The following SPATA20 variants were observed in gnomAD, a reference collection of about 807,000 sequenced individuals.
SPATA20 encodes the protein spermatogenesis-associated protein 20.
In SPATA20, 74 loss-of-function variants were observed where a neutral mutation model predicts 98.9. The ratio of observed to expected loss-of-function variants is 0.75; its 90% CI spans 0.62 to 0.91. SPATA20 has a LOEUF of 0.91. SPATA20 is among the 40% of genes least tolerant of loss of function. SPATA20 has a pLI of 0.00. For synonymous variants in SPATA20, 430 were observed against 440.5 expected (o/e 0.98, Z 0.30); for missense variants, 1,016 against 1,069.8 (o/e 0.95, Z 0.70).
chr17:50,555,112 A>G, intron 15 of SPATA20, 120 bp from the exon 16 acceptor site: 1 of 725,474 alleles, frequency 1.4e-6, no homozygotes. Context: ...AGCTGAGATG[A>G]GTCCCTGTTC....
chr17:50,547,194 C>G lies in SPATA20; in HGVS notation c.-15C>G. 7.0e-7 allele frequency: 1 copy of G among 1,420,174 alleles called. No individual in the cohort carries two copies. Among genetic ancestry groups the G allele is most frequent in the Non-Finnish European group, 9.1e-7 (1 of 1,094,636 alleles). The allele number at this position is 1,420,174 out of a possible 1,614,324, so 88.0% of individuals were successfully genotyped here. ...TTCCTGTCCTCAGCGGCCGGGCCCA[C>G]GGCCCCGAGCAGCCATGCTGGGCGC... On this transcript the variant is annotated 5_prime_UTR_variant, in exon 1 of 17. Coordinates refer to ENST00000006658, the MANE Select transcript of SPATA20 (RefSeq NM_022827.4).
chr17:50,548,648 G>T, intron 4 of SPATA20, 30 bp downstream of exon 4: 1 of 1,608,936 alleles, frequency 6.2e-7, no homozygotes, highest in South Asian at 1.1e-5. Context: ...TGATGTGGGG[G>T]TGTGGGCAGG....
At chr17:50,551,315 G>C (rs1191107122) in intron 12 of SPATA20, 125 bp downstream of exon 12, 7 of 1,192,554 alleles carry the variant, frequency 5.9e-6, no homozygotes, top group Non-Finnish European at 8.1e-6. Flanking sequence ...GTTGACAAAA[G>C]AGGCTTAAGG....
At chr17:50,554,481 T>C in intron 15 of SPATA20, 31 bp downstream of exon 15, 1 of 1,601,668 alleles carries the variant, frequency 6.2e-7, no homozygotes, top group Non-Finnish European at 8.5e-7. Context: ...GGCTGGGACC[T>C]CGGGTAGGAG....
At chr17:50,554,724 G>A (rs2035073317) in intron 15 of SPATA20, among the ~76,000 whole-genome samples, 1 of 152,106 alleles carries the variant, frequency 6.6e-6, no homozygotes, top group African/African-American at 2.4e-5. Flanking sequence ...GTGTGACCCT[G>A]GAGGTGTGTG....
Position 50,548,937 on chromosome 17 carries a change from G to A in SPATA20, c.489G>A (p.Val163=). ...VKVDREERPD[V]DKVYMTFVQA... ...TAGACCGTGAGGAGCGGCCTGACGT[G>A]GACAAGGTGTACATGACGTTCGTGC... is the stretch of plus-strand genomic sequence containing the variant. The change falls in exon 5 of 17, where the codon GTG becomes GTA. Residue 163 remains valine, a synonymous_variant. Coordinates refer to ENST00000006658, the MANE Select transcript of SPATA20 (RefSeq NM_022827.4). The A allele has an allele frequency of 6.2e-7, 1 of 1,614,170 alleles. No individual in the cohort carries two copies. Among genetic ancestry groups the A allele is most frequent in the Non-Finnish European group, 8.5e-7 (1 of 1,180,020 alleles).
chr17:50,550,383 C>A, intron 9 of SPATA20, 71 bp downstream of exon 9: 1 of 1,384,852 alleles, frequency 7.2e-7, no homozygotes, highest in Non-Finnish European at 1.0e-6. Context: ...TTCCTGGTGA[C>A]TGTGGCTTCT....
chr17:50,553,265 G>T (rs1410150859), intron 14 of SPATA20, among the ~76,000 whole-genome samples: 1 of 152,186 alleles, frequency 6.6e-6, no homozygotes, highest in Non-Finnish European at 1.5e-5. Flanking sequence ...CATTGTAAGT[G>T]CTTAATAAAT....
chr17:50,551,259 C>T (rs1259406140), intron 12 of SPATA20, 69 bp downstream of exon 12: 2 of 1,428,210 alleles, frequency 1.4e-6, no homozygotes, highest in African/African-American at 1.4e-5. Context: ...GTCTTTCCGG[C>T]AGCGGCTAAA....
chr17:50,548,680 G>T, intron 4 of SPATA20, 62 bp downstream of exon 4: 5 of 1,595,136 alleles, frequency 3.1e-6, no homozygotes, highest in South Asian at 2.2e-5. Flanking sequence ...GATGGGGGAG[G>T]GTCCTCTCGG....
chr17:50,547,422 G>A, intron 1 of SPATA20, 137 bp downstream of exon 1: 1 of 735,820 alleles, frequency 1.4e-6, no homozygotes, highest in South Asian at 1.9e-5. Flanking sequence ...CCCCACCTCC[G>A]GTCTGCTCCT....
chr17:50,548,089 G>C, intron 2 of SPATA20, 194 bp from the exon 3 acceptor site: 2 of 1,506,850 alleles, frequency 1.3e-6, no homozygotes, highest in Non-Finnish European at 1.8e-6. Context: ...CCCCCAATGA[G>C]CCACCTCTCC....
rs1226359219 is a variant in SPATA20 at position 50,550,035 on chromosome 17, G to C, written c.913G>C (p.Asp305His). ...SYWLSHRLTQ[D>H]GSRAQQMALH... Reference sequence around the variant, plus strand: ...CTGGCTCAGCCATCGACTGACTCAGGATGGCTCTCGGGCCCAGCAGATGGC... The same window carrying C: ...CTGGCTCAGCCATCGACTGACTCAGCATGGCTCTCGGGCCCAGCAGATGGC... Residue 305 changes from aspartate to histidine, a missense_variant, in exon 8 of 17, where the codon GAT (aspartate) becomes CAT (histidine). Coordinates refer to ENST00000006658, the MANE Select transcript of SPATA20 (RefSeq NM_022827.4). 6.3e-6 allele frequency: 10 copies of C among 1,595,196 alleles called. No homozygotes were observed. Among genetic ancestry groups the C allele is most frequent in the African/African-American group, 1.3e-5 (1 of 74,770 alleles).
rs769850236 is a variant in SPATA20 at position 50,551,145 on chromosome 17, C to T, written c.1531C>T (p.Arg511Trp). 25 of 1,582,280 alleles carry T rather than the reference C, an allele frequency of 1.6e-5. No homozygotes were observed. Among genetic ancestry groups the T allele is most frequent in the East Asian group, 1.1e-4 (5 of 44,758 alleles). Residue 511 changes from arginine (R) to tryptophan (W), a missense_variant, in exon 12 of 17, where the codon CGG becomes TGG. Transcript: ENST00000006658. ...GAAGCTCTTCCAGGCCCGGAAGCAT[C>T]GGCCCAAGCCGCACCTGGACAGCAA... ...LEKLFQARKHRPKPHLDSKML... is the reference protein window; with the variant it reads ...LEKLFQARKHWPKPHLDSKML...
At chr17:50,548,215 G>A in intron 2 of SPATA20, 68 bp from the exon 3 acceptor site, 1 of 1,569,082 alleles carries the variant, frequency 6.4e-7, no homozygotes, top group Non-Finnish European at 8.6e-7. Flanking sequence ...AAATGGAGCA[G>A]GTGCTGGGGG....
At chr17:50,550,451 G>T in intron 9 of SPATA20, 85 bp from the exon 10 acceptor site, 1 of 1,445,382 alleles carries the variant, frequency 6.9e-7, no homozygotes, top group Admixed American at 1.7e-5. Context: ...TCCCTCCCCC[G>T]CCTGCCTCAG....
chr17:50,547,694 A>C (rs759725679), intron 1 of SPATA20, 26 bp from the exon 2 acceptor site: 1 of 780,822 alleles, frequency 1.3e-6, no homozygotes, highest in Admixed American at 1.7e-5. Flanking sequence ...TCCAGGCTGA[A>C]CTCCCTGAGG....
rs752158690 is a variant in SPATA20 at position 50,550,003 on chromosome 17, T to C, written c.881T>C (p.Phe294Ser). ...CCCACAGTGATCCTGAGCTTCCTGT[T>C]CTCCTACTGGCTCAGCCATCGACTG... ...FPTPVILSFLFSYWLSHRLTQ... is the reference protein window; with the variant it reads ...FPTPVILSFLSSYWLSHRLTQ... The change falls in exon 8 of 17, where the codon TTC becomes TCC. Residue 294 changes from phenylalanine (F) to serine (S), a missense_variant. Transcript: ENST00000006658. 4.5e-6 allele frequency: 7 copies of C among 1,554,458 alleles called. No homozygotes were observed. Among genetic ancestry groups the C allele is most frequent in the Non-Finnish European group, 3.5e-6 (4 of 1,144,876 alleles).
intron 14 of SPATA20, among the ~76,000 whole-genome samples, chr17:50,552,838 G>C (rs1252404496): frequency 6.6e-6 from 1 of 151,966 alleles, no homozygotes; most frequent in African/African-American, 2.4e-5. Context: ...ACAGGCGAGA[G>C]CCACCATGCC....
Sources: gnomAD v4.1 joint callset for allele counts (sites outside exome capture counted in the v4.1 genomes callset) on GRCh38, gnomAD v4.1.1 for gene constraint, MANE v1.5 for transcripts, NCBI Gene and HGNC (gene_info 2026-07-23, HGNC 2026-07-21) for gene names.